STK4: variants seen among roughly 807,000 people sequenced by gnomAD.
STK4 encodes the protein serine/threonine-protein kinase 4.
In STK4, 30 loss-of-function variants were observed where a neutral mutation model predicts 64.9. That is an observed-to-expected ratio of 0.46 (90% CI 0.35 to 0.63). The LOEUF (loss-of-function observed/expected upper bound fraction) is 0.63. Ranked by LOEUF, STK4 falls within the 20% of genes least tolerant of loss-of-function variation. The pLI, the probability that STK4 is intolerant of heterozygous loss-of-function variation, is 0.01. For missense variants in STK4, 466 were observed against 598.5 expected (o/e 0.78, Z 2.31); for synonymous variants, 177 against 199.0 (o/e 0.89, Z 0.93).
Position 45,001,266 on chromosome 20 carries a change from ATGAT to A in STK4, c.1064_1067del (p.Ile355SerfsTer14). 1 of 1,614,232 alleles carries A rather than the reference ATGAT, an allele frequency of 6.2e-7. No individual in the cohort carries two copies. Among genetic ancestry groups the A allele is most frequent in the Non-Finnish European group, 8.5e-7 (1 of 1,180,026 alleles). Reference sequence around the variant, plus strand: ...CACCATGACTGATGGAGCCAATACTATGATTGAGCACGATGACACGTTGCCATCA... The same window carrying A: ...CACCATGACTGATGGAGCCAATACTATGAGCACGATGACACGTTGCCATCA... On this transcript the variant is annotated frameshift_variant, in exon 9 of 11. Coordinates refer to ENST00000372806, the MANE Select transcript of STK4 (RefSeq NM_006282.5). LOFTEE classifies it high-confidence loss of function.
Position 45,075,636 on chromosome 20 carries a change from G to A in STK4, c.*460G>A, listed in dbSNP as rs1219408152. ...GTTTTAAACGGTTTGCCTCTTTTCT[G>A]TAAGATTATGGTACTGTGGAACATG... is the stretch of plus-strand genomic sequence containing the variant. On this transcript the variant is annotated 3_prime_UTR_variant, in exon 11 of 11. Coordinates refer to ENST00000372806, the MANE Select transcript of STK4 (RefSeq NM_006282.5). 6.5e-6 allele frequency: 1 copy of A among 152,914 alleles called. No individual in the cohort carries two copies. The highest frequency in any genetic ancestry group is 1.5e-5 in the Non-Finnish European group (1 of 68,298). The allele number at this position is 152,914 out of a possible 1,614,324, so 9.5% of individuals were successfully genotyped here. A position where few individuals can be genotyped will look rare whatever the true frequency, so the allele number is the denominator to read the frequency against.
chr20:45,058,053 TCACACACACACA>T (rs3044396), intron 10 of STK4, among the ~76,000 whole-genome samples: 134 of 148,128 alleles, frequency 9.0e-4, no homozygotes, highest in African/African-American at 2.9e-3. Flanking sequence ...AGTTTGAAGG[TCACACACACACA>T]CACACACACA....
chr20:45,048,974 T>G (rs1021631920), intron 10 of STK4, among the ~76,000 whole-genome samples: 3 of 152,156 alleles, frequency 2.0e-5, no homozygotes, highest in Admixed American at 6.5e-5. Context: ...CTATAGGTCC[T>G]GGACAGTTCC....
At chr20:45,058,012 A>C (rs1429890283) in intron 10 of STK4, among the ~76,000 whole-genome samples, 1 of 152,024 alleles carries the variant, frequency 6.6e-6, no homozygotes, top group African/African-American at 2.4e-5. Context: ...CAACCAGAAA[A>C]ATGAACAAAT....
At chr20:45,049,844 A>G (rs753755940) in intron 10 of STK4, among the ~76,000 whole-genome samples, 2 of 152,206 alleles carry the variant, frequency 1.3e-5, no homozygotes, top group Non-Finnish European at 2.9e-5. Flanking sequence ...AAAATCCCAC[A>G]GGAAAGCCAA....
At chr20:45,033,527 A>G (rs2068478590) in intron 10 of STK4, among the ~76,000 whole-genome samples, 1 of 152,082 alleles carries the variant, frequency 6.6e-6, no homozygotes. Context: ...TTATTGAATA[A>G]GGAGTCCTTT....
rs2068698645 is a variant in STK4, at chr20:45,046,586, T to C, written c.1305+21456T>C. Among the ~76,000 whole-genome samples the C allele has an allele frequency of 2.0e-5, 3 of 152,114 alleles. No individual in the cohort carries two copies. In the South Asian group the frequency reaches 6.2e-4, roughly 31 times the overall value. On this transcript the variant is annotated intron_variant, in intron 10 of 10. Coordinates refer to ENST00000372806, the MANE Select transcript of STK4 (RefSeq NM_006282.5). Reference sequence around the variant, plus strand: ...TGCTTGTCAGTCTCATTCAGGCACTTGTTCCTGAATTTTTCTTCTCTTCTA... The same window carrying C: ...TGCTTGTCAGTCTCATTCAGGCACTCGTTCCTGAATTTTTCTTCTCTTCTA...
intron 10 of STK4, among the ~76,000 whole-genome samples, chr20:45,028,884 C>G (rs1296825616): frequency 6.6e-6 from 1 of 152,082 alleles, no homozygotes; most frequent in Non-Finnish European, 1.5e-5. Flanking sequence ...GCTTTAGGAG[C>G]TTTTAGAGAG....
intron 10 of STK4, among the ~76,000 whole-genome samples, chr20:45,068,870 A>G (rs1568771825): frequency 6.6e-6 from 1 of 152,228 alleles, no homozygotes. Context: ...TTCCATATCT[A>G]TGTGTAGAAT....
chr20:45,055,996 G>A (rs924887063), intron 10 of STK4, among the ~76,000 whole-genome samples: 1 of 152,202 alleles, frequency 6.6e-6, no homozygotes, highest in Non-Finnish European at 1.5e-5. Context: ...CTCTTAAAGT[G>A]TTGGGATTAC....
chr20:45,053,902 G>C (rs1351198579), intron 10 of STK4, among the ~76,000 whole-genome samples: 1 of 150,306 alleles, frequency 6.7e-6, no homozygotes, highest in Non-Finnish European at 1.5e-5. Context: ...GTTTTTTTTT[G>C]TTTTTTGTTT....
rs71197599 is a variant in STK4, at chr20:45,062,989, C to CT, written c.1306-11999dup. 7.8e-3 allele frequency among the ~76,000 whole-genome samples: 247 copies of CT among 31,496 alleles called. 39 individuals carry two copies. The highest frequency in any genetic ancestry group is 8.6e-3 in the Non-Finnish European group (148 of 17,124). The allele number at this position is 31,496 out of a possible 152,430, so 20.7% of individuals were successfully genotyped here. On this transcript the variant is annotated intron_variant, in intron 10 of 10. Transcript: ENST00000372806. ...ACAGGTGTGAGCCACCGCACCCGGC[C>CT]TTTTTTTTTTTTTTTTTTTTTTTTT... is the stretch of plus-strand genomic sequence containing the variant.
chr20:44,985,095 A>G (rs1340491936), intron 4 of STK4, among the ~76,000 whole-genome samples: 4 of 152,182 alleles, frequency 2.6e-5, no homozygotes, highest in East Asian at 1.9e-4. Context: ...GTTCTCTTCC[A>G]CTATAGAAGG....
intron 9 of STK4, among the ~76,000 whole-genome samples, chr20:45,018,725 C>CTTT (rs11481831): frequency 1.4e-5 from 2 of 140,354 alleles, no homozygotes. Context: ...TAAAGTTCTA[C>CTTT]TTTTTTTTTT....
At chr20:45,053,992 G>C (rs1220951669) in intron 10 of STK4, among the ~76,000 whole-genome samples, 1 of 151,898 alleles carries the variant, frequency 6.6e-6, no homozygotes. Context: ...TTTAGCAAAA[G>C]TTAGTTGGGA....
At chr20:44,974,844 A>G (rs900955873) in intron 2 of STK4, 4 of 152,222 alleles carry the variant, frequency 2.6e-5, no homozygotes, top group African/African-American at 9.6e-5. Context: ...GAAATGAGCT[A>G]TGGCTAAAAA....
chr20:44,982,992 G>C (rs185814361), intron 4 of STK4, among the ~76,000 whole-genome samples: 2 of 152,290 alleles, frequency 1.3e-5, no homozygotes, highest in Admixed American at 1.3e-4. Flanking sequence ...CTCAGAAGTG[G>C]TGACGTTTAC....
chr20:45,044,938 A>T (rs1209764801), intron 10 of STK4, among the ~76,000 whole-genome samples: 1 of 151,868 alleles, frequency 6.6e-6, no homozygotes, highest in African/African-American at 2.4e-5. Flanking sequence ...GGTTATTTGA[A>T]CTAAGTTTAC....
At chr20:44,997,057 G>A in intron 6 of STK4, 112 bp from the exon 7 acceptor site, 1 of 1,489,550 alleles carries the variant, frequency 6.7e-7, no homozygotes, top group Non-Finnish European at 9.2e-7. Flanking sequence ...CTTCTCAGTG[G>A]GTAAGTGAAA....
Sources: allele counts gnomAD v4.1 joint callset (sites outside exome capture counted in the v4.1 genomes callset), GRCh38; gene constraint gnomAD v4.1.1; transcripts MANE v1.5; gene names NCBI Gene and HGNC (gene_info 2026-07-23, HGNC 2026-07-21).